SYN3: variants seen among roughly 807,000 people sequenced by gnomAD.
SYN3 encodes synapsin-3.
SYN3 carries 35 observed loss-of-function variants against 65.8 expected under a neutral mutation model. The observed-to-expected ratio is 0.53, with a 90% CI of 0.41 to 0.70. The LOEUF (loss-of-function observed/expected upper bound fraction) is 0.70, where lower values mean the gene tolerates loss of function less well. Among genes scored for constraint, SYN3 ranks in the 30% least tolerant of loss-of-function variants. The pLI is 0.00. For missense variants in SYN3, 680 were observed against 749.0 expected, an observed-to-expected ratio of 0.91 and a Z score of 1.08; for synonymous variants, 270 against 292.9, an observed-to-expected ratio of 0.92 and a Z score of 0.80.
chr22:32,853,837 C>T (rs1170268480), intron 6 of SYN3, among the ~76,000 whole-genome samples: 1 of 152,162 alleles, frequency 6.6e-6, no homozygotes, highest in Non-Finnish European at 1.5e-5. Flanking sequence ...GTGCTTTGAC[C>T]CATTTTACAG....
At chr22:32,835,525 G>A (rs2047705746) in intron 6 of SYN3, among the ~76,000 whole-genome samples, 1 of 152,138 alleles carries the variant, frequency 6.6e-6, no homozygotes, top group South Asian at 2.1e-4. Flanking sequence ...GATTTTAAAT[G>A]TGAAGTATGA....
intron 1 of SYN3, among the ~76,000 whole-genome samples, chr22:33,054,986 A>G (rs1388405486): frequency 6.6e-6 from 1 of 152,090 alleles, no homozygotes; most frequent in Non-Finnish European, 1.5e-5. Flanking sequence ...CTCCAACACT[A>G]TTGCTGTCCT....
intron 7 of SYN3, among the ~76,000 whole-genome samples, chr22:32,579,756 G>A (rs1171366601): frequency 6.6e-6 from 1 of 152,190 alleles, no homozygotes; most frequent in African/African-American, 2.4e-5. Flanking sequence ...GTGGGAAGGT[G>A]ATGGGAACAA....
chr22:32,868,900 G>A (rs2048761195), intron 5 of SYN3, 66 bp downstream of exon 5: 2 of 1,527,138 alleles, frequency 1.3e-6, no homozygotes, highest in Non-Finnish European at 1.8e-6. Flanking sequence ...GAGTGGGCTT[G>A]TCGCAGAGTG....
chr22:32,948,963 T>C (rs1397333658), intron 3 of SYN3, among the ~76,000 whole-genome samples: 1 of 151,944 alleles, frequency 6.6e-6, no homozygotes, highest in Non-Finnish European at 1.5e-5. Flanking sequence ...TTATCTGAAA[T>C]GCTTGGGACC....
intron 7 of SYN3, among the ~76,000 whole-genome samples, chr22:32,551,548 A>G (rs2058415393): frequency 6.6e-6 from 1 of 151,460 alleles, no homozygotes; most frequent in Admixed American, 6.6e-5. Flanking sequence ...AACAGAGGAG[A>G]CTGAACTGTT....
chr22:32,676,872 G>A (rs1351705869), intron 6 of SYN3, among the ~76,000 whole-genome samples: 3 of 151,990 alleles, frequency 2.0e-5, no homozygotes, highest in Admixed American at 6.6e-5. Context: ...TGGCACCCAC[G>A]TGACAGGCCT....
At chr22:32,534,365 C>G (rs959692854) in intron 9 of SYN3, among the ~76,000 whole-genome samples, 5 of 152,156 alleles carry the variant, frequency 3.3e-5, no homozygotes, top group African/African-American at 4.8e-5. Flanking sequence ...TCCAGGCTGC[C>G]CTTCCAGTCC....
intron 1 of SYN3, among the ~76,000 whole-genome samples, chr22:33,047,140 G>C (rs189733203): frequency 8.6e-5 from 13 of 151,852 alleles, no homozygotes; most frequent in African/African-American, 2.7e-4. Context: ...ATACTGTTTC[G>C]TTTTTCTTCA....
intron 6 of SYN3, among the ~76,000 whole-genome samples, chr22:32,814,838 G>A (rs1247849136): frequency 2.6e-5 from 4 of 152,116 alleles, no homozygotes; most frequent in Non-Finnish European, 5.9e-5. Flanking sequence ...CAGGATTGTG[G>A]CTACACGTGA....
At chr22:32,786,456 G>A (rs1025204423) in intron 6 of SYN3, among the ~76,000 whole-genome samples, 2 of 151,298 alleles carry the variant, frequency 1.3e-5, no homozygotes, top group African/African-American at 2.4e-5. Context: ...TCCACCTCCC[G>A]GGTTCACACC....
At chr22:32,863,320 G>A (rs1054821676) in intron 6 of SYN3, among the ~76,000 whole-genome samples, 2 of 152,146 alleles carry the variant, frequency 1.3e-5, no homozygotes, top group African/African-American at 4.8e-5. Flanking sequence ...ATCACCTATT[G>A]GTGGTACAAG....
chr22:32,719,368 G>T (rs950015875), intron 6 of SYN3, among the ~76,000 whole-genome samples: 1 of 152,136 alleles, frequency 6.6e-6, no homozygotes, highest in African/African-American at 2.4e-5. Flanking sequence ...TTTGATAAAC[G>T]AATACTGGTG....
intron 4 of SYN3, among the ~76,000 whole-genome samples, chr22:32,880,743 C>T (rs1362413172): frequency 6.6e-6 from 1 of 152,188 alleles, no homozygotes; most frequent in East Asian, 1.9e-4. Flanking sequence ...ATAACTGAAA[C>T]CTGGAGTAGT....
intron 6 of SYN3, among the ~76,000 whole-genome samples, chr22:32,753,062 G>A (rs2045181158): frequency 1.3e-5 from 2 of 152,132 alleles, no homozygotes; most frequent in South Asian, 4.1e-4. Context: ...GAGAACCTCA[G>A]CAGAGGCCAA....
chr22:32,779,996 G>A (rs1189162575), intron 6 of SYN3, among the ~76,000 whole-genome samples: 3 of 138,568 alleles, frequency 2.2e-5, no homozygotes, highest in African/African-American at 8.0e-5. Context: ...GAAATGGCCT[G>A]CCCTAAAGAT....
chr22:32,857,132 C>A (rs779332917), intron 6 of SYN3: 2 of 788,674 alleles, frequency 2.5e-6, no homozygotes, highest in Non-Finnish European at 4.5e-6. Flanking sequence ...AGAGTGCAGA[C>A]CCCTCTTCCA....
At chr22:32,687,227 A>C (rs1328815555) in intron 6 of SYN3, among the ~76,000 whole-genome samples, 3 of 152,032 alleles carry the variant, frequency 2.0e-5, no homozygotes, top group African/African-American at 7.2e-5. Flanking sequence ...CAATGGTGCA[A>C]TCTCGGCTCA....
At chr22:32,829,481 G>A (rs373357836) in intron 6 of SYN3, among the ~76,000 whole-genome samples, 1 of 152,284 alleles carries the variant, frequency 6.6e-6, no homozygotes, top group South Asian at 2.1e-4. Flanking sequence ...CTCACTTCTT[G>A]GCCTGGGAAT....
Sources: allele counts gnomAD v4.1 joint callset (sites outside exome capture counted in the v4.1 genomes callset), GRCh38; gene constraint gnomAD v4.1.1; transcripts MANE v1.5; gene names NCBI Gene and HGNC (gene_info 2026-07-23, HGNC 2026-07-21).